Variants in ZNF74 observed in about 807,000 individuals in gnomAD.
ZNF74 encodes the protein zinc finger protein 74.
In ZNF74, 12 loss-of-function variants were observed where a neutral mutation model predicts 17.7. The ratio of observed to expected loss-of-function variants is 0.68; its 90% CI spans 0.43 to 1.10. The LOEUF is 1.10. Among genes scored for constraint, ZNF74 ranks in the 50% least tolerant of loss-of-function variants. The pLI is 0.00. For missense variants in ZNF74, 811 were observed against 881.0 expected (o/e 0.92, Z 1.01); for synonymous variants, 358 against 362.1 (o/e 0.99, Z 0.13).
At position 20,406,910 on chromosome 22, in the gene ZNF74, G is replaced by A; in HGVS notation, c.1877G>A (p.Cys626Tyr). 1 of 1,614,012 alleles carries A rather than the reference G, an allele frequency of 6.2e-7. No individual in the cohort carries two copies. The highest frequency in any genetic ancestry group is 1.1e-5 in the South Asian group (1 of 91,080). The change falls in exon 5 of 5, where the codon TGC becomes TAC. Residue 626 changes from cysteine to tyrosine, a missense_variant. By Grantham distance (194) the Cys-to-Tyr change is radical. Around this residue, in one of 3 missense-constraint regions of ZNF74, gnomAD observed 115 missense variants for 119.5 expected, o/e 0.96. Coordinates refer to ENST00000400451, the MANE Select transcript of ZNF74 (RefSeq NM_003426.4). Reference sequence around the variant, plus strand: ...GCGCTGGATGTGGCAAAGCTCTTGTGCGTGGTTCCCCCCAGAGCTGGCAGG... The same window carrying A: ...GCGCTGGATGTGGCAAAGCTCTTGTACGTGGTTCCCCCCAGAGCTGGCAGG... The part of the protein sequence containing the change: ...IDALDVAKLL[C>Y]VVPPRAGRNF...
intron 2 of ZNF74, 73 bp downstream of exon 2, chr22:20,395,491 C>A: frequency 8.2e-7 from 1 of 1,224,612 alleles, no homozygotes; most frequent in Non-Finnish European, 1.2e-6. Flanking sequence ...GGATCGTCAG[C>A]CTTCCACAGA....
In ZNF74 at chr22:20,406,162, C is replaced by G; in HGVS notation, c.1129C>G (p.Arg377Gly). 1 of 1,607,542 alleles carries G rather than the reference C, an allele frequency of 6.2e-7. No individual in the cohort carries two copies. The highest frequency in any genetic ancestry group is 8.5e-7 in the Non-Finnish European group (1 of 1,177,976). The change falls in exon 5 of 5, where the codon CGC becomes GGC. Residue 377 changes from arginine to glycine, a missense_variant. Arg to Gly is a moderately radical substitution (Grantham distance 125, BLOSUM62 -2). Coordinates refer to ENST00000400451, the MANE Select transcript of ZNF74 (RefSeq NM_003426.4). ...CTTCAACCAGCGTACACACCTCACA[C>G]GCCACCACCGCATCCACACGGGCGA... Reference protein sequence around the residue: ...KAFNQRTHLTRHHRIHTGEKP... With the variant: ...KAFNQRTHLTGHHRIHTGEKP...
At chr22:20,400,425 G>GT (rs2052343997) in intron 2 of ZNF74, 1 of 584,630 alleles carries the variant, frequency 1.7e-6, no homozygotes, top group Non-Finnish European at 3.1e-6. Flanking sequence ...AGAAGGTGGT[G>GT]TGGGAATGCA....
Position 20,394,350 on chromosome 22 carries a change from C to CGTGTGGCGGGG in ZNF74, c.-273_-263dup, listed in dbSNP as rs1256319217. ...CCGAGCGCGGGTTCGCCGGGAGGAG[C>CGTGTGGCGGGG]GTGTGGCGGGGGTGTGCCGGGGCGT... On this transcript the variant is annotated 5_prime_UTR_variant, in exon 1 of 5. The change abolishes the stop of an existing upstream ORF in the 5' untranslated region. Transcript: ENST00000400451. The CGTGTGGCGGGG allele has an allele frequency of 4.3e-6, 3 of 692,394 alleles. No homozygotes were observed. The highest frequency in any genetic ancestry group is 8.0e-6 in the Non-Finnish European group (3 of 375,152). 42.9% of individuals were successfully genotyped at this position (692,394 alleles called of 1,614,324 possible). A position where few individuals can be genotyped will look rare whatever the true frequency, so the allele number is the denominator to read the frequency against.
At chr22:20,397,311 TA>T (rs1056509473) in intron 2 of ZNF74, among the ~76,000 whole-genome samples, 5 of 152,208 alleles carry the variant, frequency 3.3e-5, no homozygotes, top group African/African-American at 1.2e-4. Flanking sequence ...ATGCCTCAGT[TA>T]GGGGTGTGTT....
rs2052352375 is a variant in ZNF74 at position 20,401,140 on chromosome 22, C to T, written c.248-137C>T. Reference sequence around the variant, plus strand: ...GGGTTCCAGTCTGAGACCCTCACTGCTTTTGGCCCAGAGGACCTCCTGTTC... The same window carrying T: ...GGGTTCCAGTCTGAGACCCTCACTGTTTTTGGCCCAGAGGACCTCCTGTTC... On this transcript the variant is annotated intron_variant, in intron 3 of 4. Transcript: ENST00000400451. The surrounding 1 kb of genome is among the most constrained non-coding windows in gnomAD (Gnocchi z 4.2). The T allele has an allele frequency of 1.6e-6, 1 of 636,532 alleles. No individual in the cohort carries two copies. The highest frequency in any genetic ancestry group is 2.8e-5 in the East Asian group (1 of 36,280). 39.4% of individuals were successfully genotyped at this position (636,532 alleles called of 1,614,324 possible). A position where few individuals can be genotyped will look rare whatever the true frequency, so the allele number is the denominator to read the frequency against.
chr22:20,405,254 C>G (rs901017789), intron 4 of ZNF74, 123 bp from the exon 5 acceptor site: 1 of 1,063,468 alleles, frequency 9.4e-7, no homozygotes, highest in Non-Finnish European at 1.4e-6. Flanking sequence ...ACCTTCCAGC[C>G]TTGGCCCTGG....
In ZNF74 at chr22:20,406,991, A is replaced by G. The variant is rs748398119; in HGVS notation, c.*23A>G. 6.9e-6 allele frequency: 11 copies of G among 1,589,844 alleles called. No individual in the cohort carries two copies. Among genetic ancestry groups the G allele is most frequent in the Admixed American group, 1.7e-5 (1 of 58,056 alleles). On this transcript the variant is annotated 3_prime_UTR_variant, in exon 5 of 5. Coordinates refer to ENST00000400451, the MANE Select transcript of ZNF74 (RefSeq NM_003426.4). ...TAACATGATGTGCTTTGGTGTCAGTAGCTGCTTTCTGAGCTACTCAACAAG... is the reference window on the plus strand; with the variant it reads ...TAACATGATGTGCTTTGGTGTCAGTGGCTGCTTTCTGAGCTACTCAACAAG...
chr22:20,405,425 A>G lies in ZNF74; in HGVS notation c.392A>G (p.Glu131Gly), dbSNP rs370425455. Residue 131 changes from glutamate (E) to glycine (G), a missense_variant, in exon 5 of 5, where the codon GAA (glutamate) becomes GGA (glycine). By Grantham distance (98) the Glu-to-Gly change is moderately conservative. Transcript: ENST00000400451. ...VPSQQQGICK[E>G]EPAQEPIMER... ...TCTCAACAGCAGGGCATTTGCAAAG[A>G]AGAACCGGCCCAGGAGCCCATCATG... 4 of 1,613,182 alleles carry G rather than the reference A, an allele frequency of 2.5e-6. No homozygotes were observed. The highest frequency in any genetic ancestry group is 3.4e-6 in the Non-Finnish European group (4 of 1,179,874).
chr22:20,402,173 G>A (rs1011824036), intron 4 of ZNF74, among the ~76,000 whole-genome samples: 4 of 152,278 alleles, frequency 2.6e-5, no homozygotes, highest in African/African-American at 9.6e-5. Flanking sequence ...AAGCTGTGGA[G>A]CACAGAACAC....
chr22:20,395,302 C>G (rs370420801), intron 1 of ZNF74, 31 bp from the exon 2 acceptor site: 1 of 1,539,392 alleles, frequency 6.5e-7, no homozygotes, highest in African/African-American at 1.4e-5. Flanking sequence ...AGCCTGGTAG[C>G]CGTGACCTTG....
In ZNF74 at chr22:20,405,930, C is replaced by T. The variant is rs566111731; in HGVS notation, c.897C>T (p.Thr299=). ...TTCTGGAGCACCGGCGCATCCACAC[C>T]GGCGAGAAGCCCTTCTTCTGCGGCG... ...TNLLEHRRIH[T]GEKPFFCGEC... is the part of the protein sequence containing the mutation. The change falls in exon 5 of 5, where the codon ACC becomes ACT. Residue 299 remains threonine, a synonymous_variant. Coordinates refer to ENST00000400451, the MANE Select transcript of ZNF74 (RefSeq NM_003426.4). The T allele has an allele frequency of 4.3e-6, 7 of 1,613,664 alleles. No individual in the cohort carries two copies. Among genetic ancestry groups the T allele is most frequent in the Non-Finnish European group, 4.2e-6 (5 of 1,179,884 alleles).
At chr22:20,400,378 G>A (rs905060577) in intron 2 of ZNF74, 14 of 480,978 alleles carry the variant, frequency 2.9e-5, no homozygotes, top group Middle Eastern at 6.0e-4. Context: ...AGTTGCCAGG[G>A]CCCTGTGGTG....
At position 20,406,948 on chromosome 22, in the gene ZNF74, G is replaced by A; in HGVS notation, c.1915G>A (p.Gly639Arg). The change falls in exon 5 of 5, where the codon GGG becomes AGG. Residue 639 changes from glycine to arginine, a missense_variant. Coordinates refer to ENST00000400451, the MANE Select transcript of ZNF74 (RefSeq NM_003426.4). The stretch of plus-strand genomic sequence containing the variant: ...CAGAGCTGGCAGGAATTTCTCCCTG[G>A]GGAGCAAACCTCGAAACTAACATGA... The part of the protein sequence containing the change: ...PPRAGRNFSL[G>R]SKPRN The A allele has an allele frequency of 6.2e-7, 1 of 1,612,966 alleles. No individual in the cohort carries two copies. Among genetic ancestry groups the A allele is most frequent in the Admixed American group, 1.7e-5 (1 of 59,964 alleles).
In ZNF74 at chr22:20,406,886, C is replaced by CGCT; in HGVS notation, c.1855_1857dup (p.Leu619dup). ...CTGAGGGACGTGGATCCCATCGACG[C>CGCT]GCTGGATGTGGCAAAGCTCTTGTGC... On this transcript the variant is annotated inframe_insertion, in exon 5 of 5. Coordinates refer to ENST00000400451, the MANE Select transcript of ZNF74 (RefSeq NM_003426.4). The CGCT allele has an allele frequency of 6.2e-7, 1 of 1,614,042 alleles. No homozygotes were observed.
Position 20,394,761 on chromosome 22 carries a change from CTT to C in ZNF74, c.34+113_34+114del, listed in dbSNP as rs112010963. On this transcript the variant is annotated intron_variant, in intron 1 of 4. Transcript: ENST00000400451. ...CCAGTTTCCCAGAAGCATCCAGCAT[CTT>C]TTTTTTTTTTTTTAAATGGAATCTC... is the stretch of plus-strand genomic sequence containing the variant. 6.9e-3 allele frequency: 6,184 copies of C among 902,752 alleles called. 1 individual carries two copies. Among genetic ancestry groups the C allele is most frequent in the South Asian group, 7.7e-3 (440 of 57,280 alleles). 55.9% of individuals were successfully genotyped at this position (902,752 alleles called of 1,614,324 possible).
rs892333889 is a variant in ZNF74, at chr22:20,406,375, G to A, written c.1342G>A (p.Asp448Asn). The A allele has an allele frequency of 6.2e-7, 1 of 1,613,486 alleles. No individual in the cohort carries two copies. The highest frequency in any genetic ancestry group is 8.5e-7 in the Non-Finnish European group (1 of 1,179,874). Residue 448 changes from aspartate (D) to asparagine (N), a missense_variant, in exon 5 of 5, where the codon GAC becomes AAC. Coordinates refer to ENST00000400451, the MANE Select transcript of ZNF74 (RefSeq NM_003426.4). ...HTGEKPFKCA[D>N]CGKGFSCHAY... ...GGGCGAGAAGCCCTTCAAGTGCGCC[G>A]ACTGCGGGAAGGGCTTCAGCTGCCA...
At chr22:20,400,451 C>T (rs542855102) in intron 2 of ZNF74, 181 bp from the exon 3 acceptor site, 5 of 652,772 alleles carry the variant, frequency 7.7e-6, no homozygotes, top group African/African-American at 1.8e-5. Context: ...ATTCCCAGCC[C>T]CCCTCCCTGC....
Position 20,406,005 on chromosome 22 carries a change from C to T in ZNF74, c.972C>T (p.Arg324=), listed in dbSNP as rs748753834. 3.7e-6 allele frequency: 6 copies of T among 1,613,304 alleles called. No homozygotes were observed. In the East Asian group the frequency reaches 6.7e-5, roughly 18 times the overall value. ...SCHSSLNVHQ[R]IHTGERPYKC... ...ACTCGTCCCTCAACGTGCACCAGCG[C>T]ATCCACACGGGCGAGCGGCCCTACA... is the stretch of plus-strand genomic sequence containing the variant. Residue 324 remains arginine, a synonymous_variant, in exon 5 of 5, where the codon CGC becomes CGT. Transcript: ENST00000400451.
Sources: allele counts gnomAD v4.1 joint callset (sites outside exome capture counted in the v4.1 genomes callset), GRCh38; gene constraint gnomAD v4.1.1; regional missense constraint gnomAD v4.1.1; non-coding constraint Gnocchi (gnomAD v3.1); transcripts MANE v1.5; gene names NCBI Gene and HGNC (gene_info 2026-07-23, HGNC 2026-07-21).